BEND3: variants seen among roughly 807,000 people sequenced by gnomAD.
BEND3 encodes the protein BEN domain-containing protein 3.
Under a neutral mutation model 60.1 loss-of-function variants are expected in BEND3, and 13 were observed. That is an observed-to-expected ratio of 0.22 (90% CI 0.14 to 0.34). The LOEUF (loss-of-function observed/expected upper bound fraction) is 0.34. Ranked by LOEUF, BEND3 falls within the 10% of genes least tolerant of loss-of-function variation. The probability of loss-of-function intolerance (pLI) is 1.00; values close to 1 mark genes in which losing one functional copy is unlikely to be tolerated. For synonymous variants in BEND3, 497 were observed against 491.5 expected, an observed-to-expected ratio of 1.01 and a Z score of -0.15; for missense variants, 896 against 1,138.1, an observed-to-expected ratio of 0.79 and a Z score of 3.06.
intron 3 of BEND3, among the ~76,000 whole-genome samples, chr6:107,092,436 A>G (rs1775496892): frequency 6.6e-6 from 1 of 152,168 alleles, no homozygotes; most frequent in Admixed American, 6.6e-5. Flanking sequence ...ACCATTCATA[A>G]CAAAAACTCT....
In BEND3 at chr6:107,111,890, G is replaced by A. The variant is rs9400093; in HGVS notation, c.-12+3200C>T. Among the ~76,000 whole-genome samples the A allele has an allele frequency of 0.017, 2,639 of 151,982 alleles. 89 individuals are homozygous for A. In the East Asian group the frequency reaches 0.17, roughly 10 times the overall value. ...CCAGTTACTTGGGAGGCTGAGGCAG[G>A]AGAATCACTTGAACCCAGGAGATGG... On this transcript the variant is annotated intron_variant, in intron 1 of 3. Transcript: ENST00000369042.
chr6:107,074,601 T>C (rs539134415), intron 3 of BEND3, among the ~76,000 whole-genome samples: 3 of 152,270 alleles, frequency 2.0e-5, no homozygotes, highest in East Asian at 3.9e-4. Flanking sequence ...AGGCACTTCT[T>C]AGAGGTCTGT....
intron 3 of BEND3, among the ~76,000 whole-genome samples, chr6:107,096,242 G>T (rs782123161): frequency 6.6e-6 from 1 of 152,188 alleles, no homozygotes; most frequent in Non-Finnish European, 1.5e-5. Context: ...CTGATACATA[G>T]ATGATGAACC....
In BEND3 at chr6:107,070,458, C is replaced by G. The variant is rs782001828; in HGVS notation, c.733G>C (p.Glu245Gln). Residue 245 changes from glutamate (E) to glutamine (Q), a missense_variant, in exon 4 of 4, where the codon GAG becomes CAG. Physicochemically the swap from Glu to Gln is conservative, Grantham distance 29. Transcript: ENST00000369042. This position sits in a 1 kb window ranked among gnomAD's most constrained non-coding sequence, Gnocchi z 6.9. The part of the protein sequence containing the change: ...EMVAKFQPPP[E>Q]YQLTAAELKQ... ...AGCTCTGCGGCTGTGAGCTGGTACTCAGGGGGCGGCTGGAATTTGGCCACC... is the reference window on the plus strand; with the variant it reads ...AGCTCTGCGGCTGTGAGCTGGTACTGAGGGGGCGGCTGGAATTTGGCCACC... 6.2e-7 allele frequency: 1 copy of G among 1,614,136 alleles called. No homozygotes were observed. The highest frequency in any genetic ancestry group is 2.2e-5 in the East Asian group (1 of 44,880).
At chr6:107,109,738 G>C (rs933550135) in intron 1 of BEND3, among the ~76,000 whole-genome samples, 4 of 152,176 alleles carry the variant, frequency 2.6e-5, no homozygotes. Context: ...GCCAGGCGTA[G>C]TGGCGGACAC....
At chr6:107,089,587 A>G (rs1178944906) in intron 3 of BEND3, among the ~76,000 whole-genome samples, 1 of 108,170 alleles carries the variant, frequency 9.2e-6, no homozygotes, top group Non-Finnish European at 2.1e-5. Flanking sequence ...CTCTGTCTCG[A>G]AAAAAAAAAA....
rs782692466 is a variant in BEND3, at chr6:107,069,011, C to T, written c.2180G>A (p.Arg727His). The T allele has an allele frequency of 5.6e-6, 9 of 1,613,650 alleles. 1 individual carries two copies. The highest frequency in any genetic ancestry group is 5.0e-5 in the Admixed American group (3 of 60,000). ...GGAGAGGCTCTGCTGCACGATCTCA[C>T]GCACCTCCTTGTCAGACAGCAGGTA... The part of the protein sequence containing the change: ...SPYLLSDKEV[R>H]EIVQQSLSVG... The change falls in exon 4 of 4, where the codon CGT (arginine) becomes CAT (histidine). Residue 727 changes from arginine (R) to histidine (H), a missense_variant. Physicochemically the swap from Arg to His is conservative, Grantham distance 29. This residue lies in a region of BEND3 where 846 missense variants were observed against 1,036.7 expected (regional missense o/e 0.82). Coordinates refer to ENST00000369042, the MANE Select transcript of BEND3 (RefSeq NM_001367314.1).
intron 3 of BEND3, among the ~76,000 whole-genome samples, chr6:107,087,521 G>A (rs1445800990): frequency 1.3e-5 from 2 of 152,106 alleles, no homozygotes; most frequent in East Asian, 1.9e-4. Context: ...GGCGGATCAC[G>A]AGGTCAGGAG....
At chr6:107,110,930 G>A (rs116680788) in intron 1 of BEND3, among the ~76,000 whole-genome samples, 2,896 of 151,220 alleles carry the variant, frequency 0.019, 84 homozygotes, top group African/African-American at 0.063. Context: ...TTGGGAGGCC[G>A]ACACAAGTAG....
intron 1 of BEND3, among the ~76,000 whole-genome samples, chr6:107,107,188 C>T (rs181655866): frequency 3.9e-5 from 6 of 152,232 alleles, no homozygotes; most frequent in Admixed American, 6.5e-5. Context: ...CCACCCGCCT[C>T]GGCCTCCCAA....
intron 3 of BEND3, among the ~76,000 whole-genome samples, chr6:107,074,408 C>T (rs759904246): frequency 2.0e-5 from 3 of 152,148 alleles, no homozygotes; most frequent in Non-Finnish European, 2.9e-5. Context: ...GAGTGAGACT[C>T]TGTCTCAAAA....
At chr6:107,107,882 G>A (rs1334129800) in intron 1 of BEND3, among the ~76,000 whole-genome samples, 2 of 152,188 alleles carry the variant, frequency 1.3e-5, no homozygotes, top group Non-Finnish European at 2.9e-5. Context: ...GGAGGGGGAT[G>A]AAACCAAATA....
At chr6:107,109,685 C>T (rs567119728) in intron 1 of BEND3, among the ~76,000 whole-genome samples, 1 of 152,128 alleles carries the variant, frequency 6.6e-6, no homozygotes, top group South Asian at 2.1e-4. Context: ...ACCAGCCTGG[C>T]AAACATGGAG....
chr6:107,068,623 G>T lies in BEND3; in HGVS notation c.*81C>A. On this transcript the variant is annotated 3_prime_UTR_variant, in exon 4 of 4. Transcript: ENST00000369042. This position sits in a 1 kb window ranked among gnomAD's most constrained non-coding sequence, Gnocchi z 5.8. ...GCCTGTCTGTGGATGCCATAGGCGT[G>T]CTCCCAAGTATTGCTCAGTCCCAAG... The T allele has an allele frequency of 6.8e-7, 1 of 1,476,588 alleles. No individual in the cohort carries two copies. The highest frequency in any genetic ancestry group is 9.1e-7 in the Non-Finnish European group (1 of 1,094,164). 91.5% of individuals were successfully genotyped at this position (1,476,588 alleles called of 1,614,324 possible). A position where few individuals can be genotyped will look rare whatever the true frequency, so the allele number is the denominator to read the frequency against.
At chr6:107,097,948 T>C (rs951607234) in intron 3 of BEND3, among the ~76,000 whole-genome samples, 1 of 152,146 alleles carries the variant, frequency 6.6e-6, no homozygotes, top group African/African-American at 2.4e-5. Context: ...ATCCCTAAAA[T>C]GTATAACTTC....
intron 3 of BEND3, among the ~76,000 whole-genome samples, chr6:107,081,828 C>G (rs1386089936): frequency 6.6e-6 from 1 of 151,750 alleles, no homozygotes; most frequent in Non-Finnish European, 1.5e-5. Context: ...CTTTGTGTCC[C>G]CAAGCATATG....
intron 1 of BEND3, among the ~76,000 whole-genome samples, chr6:107,103,405 C>T (rs1222263135): frequency 6.6e-6 from 1 of 152,162 alleles, no homozygotes; most frequent in Non-Finnish European, 1.5e-5. Context: ...GTAGGCGCTG[C>T]CACAACTACC....
intron 1 of BEND3, among the ~76,000 whole-genome samples, chr6:107,103,118 T>G (rs994025753): frequency 1.3e-5 from 2 of 152,208 alleles, no homozygotes; most frequent in Non-Finnish European, 1.5e-5. Flanking sequence ...AAAGTCAGTC[T>G]GCTCCGTGCG....
At chr6:107,103,068 C>T (rs1554236900) in intron 1 of BEND3, among the ~76,000 whole-genome samples, 2 of 152,156 alleles carry the variant, frequency 1.3e-5, no homozygotes, top group African/African-American at 4.8e-5. Context: ...CCAACAGCAC[C>T]AGGAAACCAC....
Sources: allele counts gnomAD v4.1 joint callset (sites outside exome capture counted in the v4.1 genomes callset), GRCh38; gene constraint gnomAD v4.1.1; regional missense constraint gnomAD v4.1.1; non-coding constraint Gnocchi (gnomAD v3.1); transcripts MANE v1.5; gene names NCBI Gene and HGNC (gene_info 2026-07-23, HGNC 2026-07-21).